REEP1: variants seen among roughly 807,000 people sequenced by gnomAD.
REEP1 encodes receptor expression-enhancing protein 1.
In REEP1, 22 loss-of-function variants were observed where a neutral mutation model predicts 40.3. That is an observed-to-expected ratio of 0.55 (90% CI 0.39 to 0.78). The LOEUF is 0.78. Among genes scored for constraint, REEP1 ranks in the 30% least tolerant of loss-of-function variants. REEP1 has a pLI of 0.00. For synonymous variants in REEP1, 116 were observed against 139.2 expected (o/e 0.83, Z 1.17); for missense variants, 280 against 361.1 (o/e 0.78, Z 1.82).
At chr2:86,336,451 A>G (rs1271410022) in intron 1 of REEP1, among the ~76,000 whole-genome samples, 1 of 152,116 alleles carries the variant, frequency 6.6e-6, no homozygotes, top group Non-Finnish European at 1.5e-5. Flanking sequence ...CCGTGTTCTC[A>G]GACAAAGAAA....
intron 1 of REEP1, among the ~76,000 whole-genome samples, chr2:86,328,126 C>T (rs1300793241): frequency 6.6e-6 from 1 of 152,130 alleles, no homozygotes; most frequent in Non-Finnish European, 1.5e-5. Flanking sequence ...AGGAGGGGCA[C>T]GTGTGGACTC....
At chr2:86,279,527 T>G (rs999358063) in intron 2 of REEP1, among the ~76,000 whole-genome samples, 1 of 152,198 alleles carries the variant, frequency 6.6e-6, no homozygotes, top group African/African-American at 2.4e-5. Flanking sequence ...AATCCCCATA[T>G]GGCAAATGGG....
chr2:86,259,432 C>T (rs962491035), intron 3 of REEP1, among the ~76,000 whole-genome samples: 1 of 151,464 alleles, frequency 6.6e-6, no homozygotes, highest in East Asian at 1.9e-4. Flanking sequence ...TGTCGCCAGG[C>T]TGGAGTGCAG....
intron 1 of REEP1, among the ~76,000 whole-genome samples, chr2:86,333,342 C>T (rs1193063473): frequency 6.6e-6 from 1 of 152,238 alleles, no homozygotes; most frequent in Non-Finnish European, 1.5e-5. Context: ...TGCTCCAAAT[C>T]CCAGTCCTGG....
At chr2:86,238,875 C>A (rs1444757796) in intron 5 of REEP1, among the ~76,000 whole-genome samples, 3 of 152,064 alleles carry the variant, frequency 2.0e-5, no homozygotes, top group Non-Finnish European at 4.4e-5. Context: ...CAAGTGAGGT[C>A]TTTGTAGTTT....
intron 1 of REEP1, among the ~76,000 whole-genome samples, chr2:86,284,313 A>C (rs1397543109): frequency 6.7e-6 from 1 of 148,894 alleles, no homozygotes; most frequent in Non-Finnish European, 1.5e-5. Context: ...CACTGTATCC[A>C]CTTGGTCAGC....
chr2:86,269,517 G>A (rs774941727), intron 2 of REEP1, among the ~76,000 whole-genome samples: 1 of 152,172 alleles, frequency 6.6e-6, no homozygotes, highest in South Asian at 2.1e-4. Context: ...CCCTGTGGGT[G>A]AGGAATTCTA....
At chr2:86,304,229 C>A (rs1458871338) in intron 1 of REEP1, among the ~76,000 whole-genome samples, 2 of 152,124 alleles carry the variant, frequency 1.3e-5, no homozygotes. Context: ...AACAAAGGAA[C>A]AATTTCTGTA....
intron 1 of REEP1, among the ~76,000 whole-genome samples, chr2:86,307,187 C>T (rs1316896315): frequency 3.4e-5 from 5 of 145,934 alleles, no homozygotes; most frequent in South Asian, 2.2e-4. Context: ...CTGGGCAACA[C>T]AGCAATACTG....
intron 1 of REEP1, among the ~76,000 whole-genome samples, chr2:86,324,133 T>C (rs1329568310): frequency 6.7e-6 from 1 of 149,882 alleles, no homozygotes; most frequent in Non-Finnish European, 1.5e-5. Flanking sequence ...AAGCAAAAAC[T>C]ATAAACGAAA....
intron 1 of REEP1, among the ~76,000 whole-genome samples, chr2:86,306,079 G>A (rs1679467408): frequency 6.6e-6 from 1 of 152,016 alleles, no homozygotes; most frequent in Non-Finnish European, 1.5e-5. Flanking sequence ...TTTTTTTTAA[G>A]TGGCTGTACC....
chr2:86,328,800 T>C (rs1170084695), intron 1 of REEP1, among the ~76,000 whole-genome samples: 1 of 152,178 alleles, frequency 6.6e-6, no homozygotes, highest in Non-Finnish European at 1.5e-5. Flanking sequence ...AGGGGAAGCA[T>C]GCAGGTGAGC....
intron 8 of REEP1, among the ~76,000 whole-genome samples, chr2:86,218,927 T>A (rs1674268379): frequency 6.6e-6 from 1 of 152,256 alleles, no homozygotes; most frequent in Non-Finnish European, 1.5e-5. Flanking sequence ...GTACGGAGAC[T>A]TCCTATTTGC....
intron 1 of REEP1, among the ~76,000 whole-genome samples, chr2:86,320,503 G>T (rs13404016): frequency 0.13 from 19,687 of 152,016 alleles, 2,764 homozygotes; most frequent in African/African-American, 0.35. Context: ...ACCTTGATTG[G>T]GAGCCACCAG....
At chr2:86,296,966 C>G (rs1036528812) in intron 1 of REEP1, among the ~76,000 whole-genome samples, 1 of 152,214 alleles carries the variant, frequency 6.6e-6, no homozygotes, top group Non-Finnish European at 1.5e-5. Flanking sequence ...CAGCGAGGGA[C>G]CGTGTTGCTC....
chr2:86,334,286 G>T (rs1040878564), intron 1 of REEP1, among the ~76,000 whole-genome samples: 1 of 152,142 alleles, frequency 6.6e-6, no homozygotes, highest in African/African-American at 2.4e-5. Flanking sequence ...ACAAAGACAG[G>T]AAGACACTCC....
At chr2:86,231,754 C>G (rs1346377744) in intron 6 of REEP1, among the ~76,000 whole-genome samples, 1 of 152,138 alleles carries the variant, frequency 6.6e-6, no homozygotes, top group Non-Finnish European at 1.5e-5. Flanking sequence ...CCCTGAGACC[C>G]AAGGCCCCTG....
intron 6 of REEP1, among the ~76,000 whole-genome samples, chr2:86,232,278 C>T (rs1675062484): frequency 6.6e-6 from 1 of 152,178 alleles, no homozygotes; most frequent in African/African-American, 2.4e-5. Context: ...GAGAAGACAA[C>T]ACAGAAGGCT....
intron 7 of REEP1, among the ~76,000 whole-genome samples, chr2:86,223,033 A>C (rs1456215881): frequency 6.6e-6 from 1 of 152,174 alleles, no homozygotes; most frequent in Non-Finnish European, 1.5e-5. Context: ...GTGTGGGAGG[A>C]GGGTCTCCCG....
Sources: allele counts gnomAD v4.1 joint callset (sites outside exome capture counted in the v4.1 genomes callset), GRCh38; gene constraint gnomAD v4.1.1; transcripts MANE v1.5; gene names NCBI Gene and HGNC (gene_info 2026-07-23, HGNC 2026-07-21).